LRRK2: variants seen among roughly 807,000 people sequenced by gnomAD.
LRRK2 encodes leucine-rich repeat serine/threonine-protein kinase 2.
A neutral mutation model predicts 302.6 loss-of-function variants in LRRK2; 203 were observed. The observed-to-expected ratio is 0.67, with a 90% CI of 0.60 to 0.75. The LOEUF is 0.75. LRRK2 is among the 30% of genes least tolerant of loss of function. LRRK2 has a pLI of 0.00. For synonymous variants in LRRK2, 1,066 were observed against 1,031.9 expected, an observed-to-expected ratio of 1.03 and a Z score of -0.63; for missense variants, 2,830 against 2,951.0, an observed-to-expected ratio of 0.96 and a Z score of 0.95.
chr12:40,282,084 CCTTCT>C lies in LRRK2; in HGVS notation c.2242-1786_2242-1782del, dbSNP rs1266575433. 5.6e-4 allele frequency among the ~76,000 whole-genome samples: 17 copies of C among 30,444 alleles called. No individual in the cohort carries two copies. The South Asian group carries it at 0.02, about 36-fold the overall frequency. 20.0% of individuals were successfully genotyped at this position (30,444 alleles called of 152,430 possible). A position where few individuals can be genotyped will look rare whatever the true frequency, so the allele number is the denominator to read the frequency against. On this transcript the variant is annotated intron_variant, in intron 18 of 50. Coordinates refer to ENST00000298910, the MANE Select transcript of LRRK2 (RefSeq NM_198578.4). ...CCTTCCCTTCCCTTCCCTTCCCTTC[CCTTCT>C]CTTCCCTCCCCTCCCCTTCTCTTCC...
rs1457775974 is a variant in LRRK2 at position 40,249,899 on chromosome 12, G to C, written c.912G>C (p.Glu304Asp). 3 of 1,613,776 alleles carry C rather than the reference G, an allele frequency of 1.9e-6. No homozygotes were observed. The highest frequency in any genetic ancestry group is 2.5e-6 in the Non-Finnish European group (3 of 1,179,862). ...FVVKAVQQYP[E>D]NAALQISALS... ...TGAAAGCTGTGCAGCAGTACCCAGA[G>C]AATGCAGCATTGCAGATCTCAGCGC... Residue 304 changes from glutamate (E) to aspartate (D), a missense_variant, in exon 8 of 51, where the codon GAG (glutamate) becomes GAC (aspartate). Glu to Asp is a conservative substitution (Grantham distance 45, BLOSUM62 2). This residue lies in a region of LRRK2 where 2,121 missense variants were observed against 2,148.0 expected (regional missense o/e 0.99). Coordinates refer to ENST00000298910, the MANE Select transcript of LRRK2 (RefSeq NM_198578.4).
chr12:40,326,296 C>G (rs1257498564), intron 38 of LRRK2, among the ~76,000 whole-genome samples: 2 of 151,832 alleles, frequency 1.3e-5, no homozygotes, highest in Non-Finnish European at 2.9e-5. Context: ...AACCCCATCT[C>G]TACTAAAAAT....
At position 40,315,331 on chromosome 12, in the gene LRRK2, G is replaced by A. The variant is rs201111536; in HGVS notation, c.4827+31G>A. 13 of 1,549,536 alleles carry A rather than the reference G, an allele frequency of 8.4e-6. No homozygotes were observed. The East Asian group carries it at 2.5e-4, about 29-fold the overall frequency. ...TGTCTTTTATTTTTGTGGCACGGGG[G>A]TTATGGTCAAAGCATAGAACAGATG... is the stretch of plus-strand genomic sequence containing the variant. On this transcript the variant is annotated intron_variant, in intron 33 of 50. Transcript: ENST00000298910.
At chr12:40,240,831 A>T (rs1941688750) in intron 6 of LRRK2, among the ~76,000 whole-genome samples, 1 of 152,126 alleles carries the variant, frequency 6.6e-6, no homozygotes, top group Admixed American at 6.6e-5. Flanking sequence ...GAAAATACAG[A>T]TGTGTTCCTT....
At position 40,278,104 on chromosome 12, in the gene LRRK2, G is replaced by C. The variant is rs1393655945; in HGVS notation, c.2084G>C (p.Cys695Ser). 8 of 1,613,962 alleles carry C rather than the reference G, an allele frequency of 5.0e-6. No individual in the cohort carries two copies. Among genetic ancestry groups the C allele is most frequent in the Non-Finnish European group, 6.8e-6 (8 of 1,179,984 alleles). ...CACTCTTTTTAGTTTCTAAACCTCTGTTGCAAGTGTTTTGCAAAAGTAGCT... is the reference window on the plus strand; with the variant it reads ...CACTCTTTTTAGTTTCTAAACCTCTCTTGCAAGTGTTTTGCAAAAGTAGCT... ...EQKDQQFLNL[C>S]CKCFAKVAMD... The change falls in exon 18 of 51, where the codon TGT (cysteine) becomes TCT (serine). Residue 695 changes from cysteine (C) to serine (S), a missense_variant. Cys to Ser is a moderately radical substitution (Grantham distance 112). Coordinates refer to ENST00000298910, the MANE Select transcript of LRRK2 (RefSeq NM_198578.4).
chr12:40,306,123 T>C (rs1001819159), intron 28 of LRRK2, among the ~76,000 whole-genome samples, 157 bp downstream of exon 28: 1 of 152,210 alleles, frequency 6.6e-6, no homozygotes, highest in Non-Finnish European at 1.5e-5. Flanking sequence ...ATTTAATGAA[T>C]GTGTTTCTGT....
At position 40,286,647 on chromosome 12, in the gene LRRK2, T is replaced by C. The variant is rs17443787; in HGVS notation, c.2501-704T>C. 3.3e-5 allele frequency: 5 copies of C among 152,060 alleles called. No individual in the cohort carries two copies. In the East Asian group the frequency reaches 9.6e-4, roughly 29 times the overall value. The allele number at this position is 152,060 out of a possible 1,614,324, so 9.4% of individuals were successfully genotyped here. A position where few individuals can be genotyped will look rare whatever the true frequency, so the allele number is the denominator to read the frequency against. On this transcript the variant is annotated intron_variant, in intron 19 of 50. Coordinates refer to ENST00000298910, the MANE Select transcript of LRRK2 (RefSeq NM_198578.4). ...TATTAGCCAACTCATCACTGGATATTGTACTACATGATACAGCAGTATCAT... is the reference window on the plus strand; with the variant it reads ...TATTAGCCAACTCATCACTGGATATCGTACTACATGATACAGCAGTATCAT...
At chr12:40,243,237 T>A (rs1941819575) in intron 6 of LRRK2, among the ~76,000 whole-genome samples, 1 of 152,128 alleles carries the variant, frequency 6.6e-6, no homozygotes, top group Non-Finnish European at 1.5e-5. Flanking sequence ...GACTTTCATT[T>A]TCAGTACTTT....
intron 39 of LRRK2, among the ~76,000 whole-genome samples, chr12:40,334,667 G>C (rs1364625435): frequency 6.6e-6 from 1 of 152,178 alleles, no homozygotes; most frequent in Non-Finnish European, 1.5e-5. Context: ...GGCTGAGGAG[G>C]GGGAGGTAGA....
chr12:40,243,539 T>C lies in LRRK2; in HGVS notation c.707-11T>C, dbSNP rs747300061. ...TTACCTTATTGATAATTATGATCTC[T>C]TTAAATTCAGGCAATAATGTGGAAG... On this transcript the variant is annotated splice_polypyrimidine_tract_variant and intron_variant, in intron 6 of 50. Transcript: ENST00000298910. 1.2e-6 allele frequency: 2 copies of C among 1,610,378 alleles called. No homozygotes were observed. Among genetic ancestry groups the C allele is most frequent in the Non-Finnish European group, 8.5e-7 (1 of 1,177,526 alleles).
chr12:40,288,109 G>GT (rs1009608546), intron 20 of LRRK2, among the ~76,000 whole-genome samples: 4 of 151,898 alleles, frequency 2.6e-5, no homozygotes, highest in African/African-American at 9.6e-5. Flanking sequence ...TAAAAATGGA[G>GT]TGAGGGGCTT....
Position 40,302,894 on chromosome 12 carries a change from G to A in LRRK2, c.3590+12G>A, listed in dbSNP as rs1388939639. ...TTAAATCTTCCACAGTAAGTTTATT[G>A]TTATTTTAATTTTAAAAGCACATTA... On this transcript the variant is annotated intron_variant, in intron 26 of 50. Transcript: ENST00000298910. 2.6e-6 allele frequency: 4 copies of A among 1,510,116 alleles called. No homozygotes were observed. The highest frequency in any genetic ancestry group is 2.3e-5 in the South Asian group (2 of 88,606). 93.5% of individuals were successfully genotyped at this position (1,510,116 alleles called of 1,614,324 possible). A position where few individuals can be genotyped will look rare whatever the true frequency, so the allele number is the denominator to read the frequency against.
intron 2 of LRRK2, among the ~76,000 whole-genome samples, chr12:40,226,093 C>T (rs1010622236): frequency 2.0e-5 from 3 of 152,144 alleles, no homozygotes; most frequent in African/African-American, 7.2e-5. Context: ...GAGTTCAGCA[C>T]TTTTTAAAAT....
intron 14 of LRRK2, among the ~76,000 whole-genome samples, chr12:40,272,617 T>G (rs1943278736): frequency 6.6e-6 from 1 of 152,020 alleles, no homozygotes; most frequent in Non-Finnish European, 1.5e-5. Context: ...ATCCCATCCA[T>G]GAATAGAAGA....
rs185018602 is a variant in LRRK2, at chr12:40,245,855, T to C, written c.838+2174T>C. On this transcript the variant is annotated intron_variant, in intron 7 of 50. Coordinates refer to ENST00000298910, the MANE Select transcript of LRRK2 (RefSeq NM_198578.4). Reference sequence around the variant, plus strand: ...TTAATTCTGACAATTTGTTTCTAAATGCACTTAAGTTCTCTACCTAGCAAT... The same window carrying C: ...TTAATTCTGACAATTTGTTTCTAAACGCACTTAAGTTCTCTACCTAGCAAT... 3.6e-3 allele frequency among the ~76,000 whole-genome samples: 547 copies of C among 152,250 alleles called. 1 individual carries two copies. The highest frequency in any genetic ancestry group is 0.014 in the Middle Eastern group (4 of 294).
At chr12:40,286,635 A>G (rs1943937005) in intron 19 of LRRK2, 1 of 152,024 alleles carries the variant, frequency 6.6e-6, no homozygotes, top group African/African-American at 2.4e-5. Context: ...TAGCCAACTC[A>G]TCACTGGATA....
Position 40,238,099 on chromosome 12 carries a change from G to C in LRRK2, c.567G>C (p.Glu189Asp). The change falls in exon 5 of 51, where the codon GAG (glutamate) becomes GAC (aspartate). Residue 189 changes from glutamate (E) to aspartate (D), a missense_variant. By Grantham distance (45) the Glu-to-Asp change is conservative. This residue lies in a region of LRRK2 where 2,121 missense variants were observed against 2,148.0 expected (regional missense o/e 0.99). Coordinates refer to ENST00000298910, the MANE Select transcript of LRRK2 (RefSeq NM_198578.4). Reference protein sequence around the residue: ...LGCKALHVLFERVSEEQLTEF... With the variant: ...LGCKALHVLFDRVSEEQLTEF... ...GCAAAGCTTTACATGTGCTGTTTGA[G>C]AGAGGTATTTTAAAATGTCAAATTC... 1.9e-6 allele frequency: 3 copies of C among 1,613,284 alleles called. No individual in the cohort carries two copies. Among genetic ancestry groups the C allele is most frequent in the Non-Finnish European group, 2.5e-6 (3 of 1,179,642 alleles).
At chr12:40,297,075 A>T (rs1944414422) in intron 23 of LRRK2, among the ~76,000 whole-genome samples, 1 of 152,196 alleles carries the variant, frequency 6.6e-6, no homozygotes, top group Non-Finnish European at 1.5e-5. Context: ...CTCTTTGAGG[A>T]CAGGACTTGT....
At chr12:40,307,842 C>A (rs1359610987) in intron 28 of LRRK2, among the ~76,000 whole-genome samples, 1 of 138,162 alleles carries the variant, frequency 7.2e-6, no homozygotes, top group African/African-American at 2.7e-5. Context: ...AGTGCAGTGG[C>A]CTGATCTTGG....
Sources: allele counts gnomAD v4.1 joint callset (sites outside exome capture counted in the v4.1 genomes callset), GRCh38; gene constraint gnomAD v4.1.1; regional missense constraint gnomAD v4.1.1; transcripts MANE v1.5; gene names NCBI Gene and HGNC (gene_info 2026-07-23, HGNC 2026-07-21).